Variants in CAMK2B observed in about 807,000 individuals in gnomAD.
The protein encoded by CAMK2B is calcium/calmodulin-dependent protein kinase type II subunit beta.
CAMK2B carries 27 observed loss-of-function variants against 93.7 expected under a neutral mutation model. The observed-to-expected ratio is 0.29, with a 90% CI of 0.21 to 0.40. The LOEUF (loss-of-function observed/expected upper bound fraction) is 0.40, where lower values mean the gene tolerates loss of function less well. Among genes scored for constraint, CAMK2B ranks in the 10% least tolerant of loss-of-function variants. The probability of loss-of-function intolerance (pLI) is 1.00; values close to 1 mark genes in which losing one functional copy is unlikely to be tolerated. For synonymous variants in CAMK2B, 374 were observed against 358.8 expected, an observed-to-expected ratio of 1.04 and a Z score of -0.48; for missense variants, 568 against 895.8, an observed-to-expected ratio of 0.63 and a Z score of 4.67.
intron 3 of CAMK2B, among the ~76,000 whole-genome samples, chr7:44,261,874 G>T (rs1413299281): frequency 6.6e-6 from 1 of 152,230 alleles, no homozygotes; most frequent in Non-Finnish European, 1.5e-5. Context: ...CCAGGGTGAA[G>T]AGTCCAGTCT....
chr7:44,271,401 C>A lies in CAMK2B; in HGVS notation c.161-8337G>T, dbSNP rs1042317378. On this transcript the variant is annotated intron_variant, in intron 2 of 23. Coordinates refer to ENST00000395749, the MANE Select transcript of CAMK2B (RefSeq NM_001220.5). The surrounding 1 kb of genome is among the most constrained non-coding windows in gnomAD (Gnocchi z 4.2). Reference sequence around the variant, plus strand: ...AAGCGCAGCCCTGTGTGGCACTGAGCAGCTCGGCCAGAACCTGATAGGACA... The same window carrying A: ...AAGCGCAGCCCTGTGTGGCACTGAGAAGCTCGGCCAGAACCTGATAGGACA... Among the ~76,000 whole-genome samples, 1 of 152,236 alleles carries A rather than the reference C, an allele frequency of 6.6e-6. No homozygotes were observed. Among genetic ancestry groups the A allele is most frequent in the Non-Finnish European group, 1.5e-5 (1 of 68,044 alleles).
intron 2 of CAMK2B, among the ~76,000 whole-genome samples, chr7:44,281,246 T>A (rs758708030): frequency 6.6e-6 from 1 of 152,244 alleles, no homozygotes; most frequent in Non-Finnish European, 1.5e-5. Flanking sequence ...AAGGCTGCAC[T>A]GGGCAGTGCC....
At chr7:44,247,798 T>G (rs1372860221) in intron 5 of CAMK2B, among the ~76,000 whole-genome samples, 1 of 152,096 alleles carries the variant, frequency 6.6e-6, no homozygotes, top group Non-Finnish European at 1.5e-5. Context: ...GAGGCCAAGG[T>G]GGGCGGATCA....
intron 1 of CAMK2B, among the ~76,000 whole-genome samples, chr7:44,316,828 T>C (rs2116416484): frequency 6.6e-6 from 1 of 152,166 alleles, no homozygotes; most frequent in East Asian, 1.9e-4. Context: ...TTCCTTATAA[T>C]TTTTTTTCTG....
At chr7:44,268,643 C>T (rs985697841) in intron 2 of CAMK2B, 3 of 152,450 alleles carry the variant, frequency 2.0e-5, no homozygotes, top group African/African-American at 7.2e-5. Context: ...CCACCAGCAG[C>T]CATTCCCAGA....
chr7:44,256,392 C>T (rs111819427), intron 4 of CAMK2B, among the ~76,000 whole-genome samples: 2,322 of 152,208 alleles, frequency 0.015, 13 homozygotes, highest in South Asian at 0.026. Flanking sequence ...TGTGCCCATG[C>T]GTGCACTCAT....
At chr7:44,251,141 G>A (rs1330422511) in intron 5 of CAMK2B, among the ~76,000 whole-genome samples, 1 of 152,180 alleles carries the variant, frequency 6.6e-6, no homozygotes, top group East Asian at 1.9e-4. Context: ...GCGTCTGTGT[G>A]GTTCGGAAAG....
intron 2 of CAMK2B, among the ~76,000 whole-genome samples, chr7:44,268,999 TC>T (rs2096946324): frequency 6.6e-6 from 1 of 152,062 alleles, no homozygotes; most frequent in African/African-American, 2.4e-5. Flanking sequence ...AGGGAGCTCC[TC>T]CCCTCCTGCC....
At chr7:44,257,946 T>C (rs180694332) in intron 4 of CAMK2B, among the ~76,000 whole-genome samples, 2 of 152,346 alleles carry the variant, frequency 1.3e-5, no homozygotes, top group African/African-American at 2.4e-5. Context: ...GGGGTAACCA[T>C]GGCAATAGCA....
chr7:44,257,491 C>T (rs1039214931), intron 4 of CAMK2B, among the ~76,000 whole-genome samples: 1 of 152,258 alleles, frequency 6.6e-6, no homozygotes, highest in African/African-American at 2.4e-5. Context: ...CATCTGTTGG[C>T]CACCAAGGGC....
intron 11 of CAMK2B, 145 bp downstream of exon 11, chr7:44,241,555 C>T (rs759124548): frequency 1.5e-4 from 99 of 676,392 alleles, no homozygotes; most frequent in Non-Finnish European, 2.5e-4. Flanking sequence ...TCACCTGATG[C>T]ATCCAGTCTG....
intron 1 of CAMK2B, among the ~76,000 whole-genome samples, chr7:44,319,838 A>G (rs1795651133): frequency 6.6e-6 from 1 of 152,248 alleles, no homozygotes; most frequent in Non-Finnish European, 1.5e-5. Flanking sequence ...AGACTTACTG[A>G]CACGGGGGGT....
intron 1 of CAMK2B, among the ~76,000 whole-genome samples, chr7:44,309,324 G>A (rs969780904): frequency 2.0e-5 from 3 of 152,202 alleles, no homozygotes; most frequent in Non-Finnish European, 4.4e-5. Flanking sequence ...CTGGCCTGAC[G>A]GGAGAAGGGA....
chr7:44,285,403 G>A (rs768650522), intron 1 of CAMK2B, among the ~76,000 whole-genome samples: 3 of 152,246 alleles, frequency 2.0e-5, no homozygotes, highest in East Asian at 1.9e-4. Context: ...ACCCGAGCAC[G>A]CAGGGCCCTC....
At chr7:44,260,217 G>A (rs1267936807) in intron 3 of CAMK2B, among the ~76,000 whole-genome samples, 1 of 152,080 alleles carries the variant, frequency 6.6e-6, no homozygotes, top group Non-Finnish European at 1.5e-5. Flanking sequence ...CCCCTTCCTT[G>A]CATGCTCCGG....
At chr7:44,226,388 C>A (rs2096478702) in intron 20 of CAMK2B, 128 bp downstream of exon 20, 1 of 735,528 alleles carries the variant, frequency 1.4e-6, no homozygotes, top group African/African-American at 1.8e-5. Flanking sequence ...TCCCTGGGAC[C>A]CAGCAGAGGG....
At chr7:44,231,810 A>G (rs1182983519) in intron 16 of CAMK2B, among the ~76,000 whole-genome samples, 1 of 152,162 alleles carries the variant, frequency 6.6e-6, no homozygotes, top group Non-Finnish European at 1.5e-5. Context: ...TCAAAAGACC[A>G]TCCCCCAGGT....
At chr7:44,319,257 G>A (rs2116503766) in intron 1 of CAMK2B, among the ~76,000 whole-genome samples, 1 of 152,270 alleles carries the variant, frequency 6.6e-6, no homozygotes, top group East Asian at 1.9e-4. Flanking sequence ...TGAGGGAGGT[G>A]GCATCACGGA....
In CAMK2B at chr7:44,263,100, G is replaced by A. The variant is rs759021277; in HGVS notation, c.161-36C>T. ...GGAAAAACAAGGCGTCACCTCCTGC[G>A]CCAGCAACTGGTGGCCCAGGGATCG... On this transcript the variant is annotated intron_variant, in intron 2 of 23. Coordinates refer to ENST00000395749, the MANE Select transcript of CAMK2B (RefSeq NM_001220.5). 18 of 1,599,452 alleles carry A rather than the reference G, an allele frequency of 1.1e-5. No individual in the cohort carries two copies. The East Asian group carries it at 2.2e-4, about 20-fold the overall frequency.
Sources: gnomAD v4.1 joint callset for allele counts (sites outside exome capture counted in the v4.1 genomes callset) on GRCh38, gnomAD v4.1.1 for gene constraint, Gnocchi (gnomAD v3.1) non-coding constraint, MANE v1.5 for transcripts, NCBI Gene and HGNC (gene_info 2026-07-23, HGNC 2026-07-21) for gene names.